RDX: variants seen among roughly 807,000 people sequenced by gnomAD.
RDX encodes the protein radixin.
A neutral mutation model predicts 83.7 loss-of-function variants in RDX; 32 were observed. The observed-to-expected ratio is 0.38, with a 90% CI of 0.29 to 0.51. RDX has a LOEUF of 0.51. Ranked by LOEUF, RDX falls within the 20% of genes least tolerant of loss-of-function variation. The pLI is 0.87. For missense variants in RDX, 600 were observed against 689.9 expected, an observed-to-expected ratio of 0.87 and a Z score of 1.46; for synonymous variants, 229 against 222.7, an observed-to-expected ratio of 1.03 and a Z score of -0.25.
intron 12 of RDX, 133 bp from the exon 13 acceptor site, chr11:110,233,612 T>C: frequency 1.1e-6 from 1 of 902,546 alleles, no homozygotes; most frequent in Non-Finnish European, 1.7e-6. Context: ...GAAACCTCTA[T>C]TTTCATAAAA....
intron 11 of RDX, 188 bp from the exon 12 acceptor site, chr11:110,236,379 A>C (rs1864851413): frequency 1.9e-6 from 1 of 539,588 alleles, no homozygotes; most frequent in Non-Finnish European, 3.3e-6. Flanking sequence ...TGAGCTAAGG[A>C]GACAAAATTA....
At chr11:110,283,650 A>G (rs1462379416) in intron 1 of RDX, among the ~76,000 whole-genome samples, 1 of 152,170 alleles carries the variant, frequency 6.6e-6, no homozygotes, top group African/African-American at 2.4e-5. Context: ...GCTTGAGCCC[A>G]GGAGTTCAAG....
At chr11:110,282,574 AT>A (rs1373464402) in intron 1 of RDX, among the ~76,000 whole-genome samples, 4 of 152,222 alleles carry the variant, frequency 2.6e-5, no homozygotes, top group Non-Finnish European at 4.4e-5. Context: ...CAGTCATGGT[AT>A]ATCTAAGGAT....
downstream of RDX, among the ~76,000 whole-genome samples, chr11:110,225,402 A>C (rs151062290): frequency 9.8e-5 from 15 of 152,336 alleles, no homozygotes; most frequent in African/African-American, 3.6e-4. Context: ...AAATATAAAG[A>C]ATTCCTACAA....
At chr11:110,255,871 T>C (rs1440612459) in intron 7 of RDX, among the ~76,000 whole-genome samples, 1 of 152,204 alleles carries the variant, frequency 6.6e-6, no homozygotes, top group Non-Finnish European at 1.5e-5. Flanking sequence ...TATTCACGAA[T>C]ATACTAAAAA....
intron 1 of RDX, among the ~76,000 whole-genome samples, chr11:110,279,961 A>T (rs949605370): frequency 2.6e-5 from 4 of 152,208 alleles, no homozygotes; most frequent in African/African-American, 4.8e-5. Context: ...AATACCACAC[A>T]TCTCAAATAA....
At chr11:110,215,414 T>A (rs1047921757) in intron 14 of RDX, among the ~76,000 whole-genome samples, 33 of 145,414 alleles carry the variant, frequency 2.3e-4, no homozygotes, top group Admixed American at 4.9e-4. Context: ...ATAAATAAAA[T>A]AATAATAATG....
intron 2 of RDX, among the ~76,000 whole-genome samples, chr11:110,275,782 CTTTTTTTTTT>C (rs36018441): frequency 8.5e-6 from 1 of 117,286 alleles, no homozygotes; most frequent in Non-Finnish European, 1.7e-5. Flanking sequence ...TTTTACCATC[CTTTTTTTTTT>C]TTTTTTTTTT....
At chr11:110,207,335 C>A (rs1863643599) in intron 14 of RDX, among the ~76,000 whole-genome samples, 2 of 152,114 alleles carry the variant, frequency 1.3e-5, no homozygotes, top group African/African-American at 4.8e-5. Context: ...AGGAGGGCAC[C>A]CTGCAATCTG....
Position 110,248,407 on chromosome 11 carries a change from C to T in RDX, c.960-574G>A, listed in dbSNP as rs558450537. Among the ~76,000 whole-genome samples, 20 of 152,140 alleles carry T rather than the reference C, an allele frequency of 1.3e-4. No individual in the cohort carries two copies. In the South Asian group the frequency reaches 4.2e-3, roughly 32 times the overall value. ...TGACATACATACACTCATGTACGTACATACATGTGCTGGGTTCCAATGTAT... is the reference window on the plus strand; with the variant it reads ...TGACATACATACACTCATGTACGTATATACATGTGCTGGGTTCCAATGTAT... On this transcript the variant is annotated intron_variant, in intron 9 of 13. Transcript: ENST00000645495.
At chr11:110,209,431 C>T (rs1259715910) in intron 14 of RDX, among the ~76,000 whole-genome samples, 3 of 152,250 alleles carry the variant, frequency 2.0e-5, no homozygotes, top group South Asian at 4.1e-4. Flanking sequence ...CGCCATTGCC[C>T]AGGCTTGATT....
chr11:110,208,163 G>C (rs74544444), intron 14 of RDX, among the ~76,000 whole-genome samples: 2,856 of 152,126 alleles, frequency 0.019, 95 homozygotes, highest in African/African-American at 0.065. Context: ...AACCCACACA[G>C]AGCATCTGAA....
At chr11:110,259,506 G>A (rs1370622997) in intron 5 of RDX, among the ~76,000 whole-genome samples, 2 of 152,192 alleles carry the variant, frequency 1.3e-5, no homozygotes, top group African/African-American at 4.8e-5. Context: ...TCTCCCCCTG[G>A]ATAAGTTACC....
At position 110,255,307 on chromosome 11, in the gene RDX, T is replaced by C. The variant is rs142773831; in HGVS notation, c.777A>G (p.Pro259=). The C allele has an allele frequency of 1.2e-4, 184 of 1,579,036 alleles. No homozygotes were observed. Among genetic ancestry groups the C allele is most frequent in the Non-Finnish European group, 1.5e-4 (173 of 1,148,968 alleles). ...SFNDKKFVIK[P]IDKKAPDFVF... ...TACTTACAGGTGCCTTTTTGTCGATTGGCTTTATAACAAATTTTTTGTCAT... is the reference window on the plus strand; with the variant it reads ...TACTTACAGGTGCCTTTTTGTCGATCGGCTTTATAACAAATTTTTTGTCAT... Residue 259 remains proline, a synonymous_variant, in exon 8 of 14, where the codon CCA becomes CCG. Coordinates refer to ENST00000645495, the MANE Select transcript of RDX (RefSeq NM_002906.4).
At chr11:110,204,820 G>A (rs1426463825) in intron 14 of RDX, among the ~76,000 whole-genome samples, 1 of 152,102 alleles carries the variant, frequency 6.6e-6, no homozygotes, top group East Asian at 1.9e-4. Flanking sequence ...CGGCCGTACA[G>A]CTGTAATTTC....
intron 7 of RDX, among the ~76,000 whole-genome samples, chr11:110,256,334 A>G (rs1020122563): frequency 5.9e-5 from 9 of 152,194 alleles, no homozygotes; most frequent in East Asian, 1.9e-4. Context: ...CAATAAGCAT[A>G]TTAGAGGACC....
intron 5 of RDX, among the ~76,000 whole-genome samples, chr11:110,260,027 C>T (rs1260737975): frequency 6.6e-6 from 1 of 151,684 alleles, no homozygotes; most frequent in Non-Finnish European, 1.5e-5. Flanking sequence ...GCTCTTGTTG[C>T]CTAGGCTGGA....
intron 7 of RDX, 81 bp from the exon 8 acceptor site, chr11:110,255,466 T>C (rs1859505059): frequency 1.3e-6 from 1 of 771,558 alleles, no homozygotes; most frequent in Non-Finnish European, 2.3e-6. Context: ...ACTGACTGAA[T>C]GACCAATCTT....
At chr11:110,264,941 TACACTTCAAA>T (rs1211581171) in intron 3 of RDX, 67 bp from the exon 4 acceptor site, 1 of 1,141,638 alleles carries the variant, frequency 8.8e-7, no homozygotes, top group Non-Finnish European at 1.3e-6. Flanking sequence ...TAGATGATAC[TACACTTCAAA>T]AGGAGAACAA....
Sources: allele counts gnomAD v4.1 joint callset (sites outside exome capture counted in the v4.1 genomes callset), GRCh38; gene constraint gnomAD v4.1.1; transcripts MANE v1.5; gene names NCBI Gene and HGNC (gene_info 2026-07-23, HGNC 2026-07-21).